Variants in FEV observed in about 807,000 individuals in gnomAD.
FEV encodes FEV transcription factor, ETS family member.
Under a neutral mutation model 20.5 loss-of-function variants are expected in FEV, and 14 were observed. The observed-to-expected ratio is 0.68, with a 90% CI of 0.45 to 1.07. The LOEUF (loss-of-function observed/expected upper bound fraction) is 1.07. FEV is among the 50% of genes least tolerant of loss of function. The probability of loss-of-function intolerance (pLI) is 0.00; values close to 1 mark genes in which losing one functional copy is unlikely to be tolerated. For synonymous variants in FEV, 188 were observed against 163.7 expected (o/e 1.15, Z -1.13); for missense variants, 301 against 345.3 (o/e 0.87, Z 1.02).
Position 218,981,771 on chromosome 2 carries a change from C to A in FEV, c.613G>T (p.Ala205Ser). ...WPGPGPAATA[A>S]AATAALYPSP... ...GGGTAGAGCGCGGCGGTGGCGGCGGCAGCGGTGGCGGCGGGGCCCGGGCCC... is the reference window on the plus strand; with the variant it reads ...GGGTAGAGCGCGGCGGTGGCGGCGGAAGCGGTGGCGGCGGGGCCCGGGCCC... The change falls in exon 3 of 3, where the codon GCC (alanine) becomes TCC (serine). Residue 205 changes from alanine (A) to serine (S), a missense_variant. Physicochemically the swap from Ala to Ser is moderately conservative, Grantham distance 99. Transcript: ENST00000295727. The surrounding 1 kb of genome is among the most constrained non-coding windows in gnomAD (Gnocchi z 4.5). 3.2e-6 allele frequency: 4 copies of A among 1,268,666 alleles called. No individual in the cohort carries two copies. Among genetic ancestry groups the A allele is most frequent in the Non-Finnish European group, 3.9e-6 (4 of 1,014,530 alleles). 78.6% of individuals were successfully genotyped at this position (1,268,666 alleles called of 1,614,324 possible). A position where few individuals can be genotyped will look rare whatever the true frequency, so the allele number is the denominator to read the frequency against.
In FEV at chr2:218,981,698, G is replaced by A; in HGVS notation, c.686C>T (p.Ala229Val). 7.4e-7 allele frequency: 1 copy of A among 1,342,668 alleles called. No homozygotes were observed. The highest frequency in any genetic ancestry group is 9.5e-7 in the Non-Finnish European group (1 of 1,052,996). 83.2% of individuals were successfully genotyped at this position (1,342,668 alleles called of 1,614,324 possible). The change falls in exon 3 of 3, where the codon GCA becomes GTA. Residue 229 changes from alanine to valine, a missense_variant. Transcript: ENST00000295727. The surrounding 1 kb of genome is among the most constrained non-coding windows in gnomAD (Gnocchi z 4.5). Reference sequence around the variant, plus strand: ...GTAATGGCCCCCCAAGTGCGAGGCTGCGGCCACGGCCCCGAAGGGCCCGGG... The same window carrying A: ...GTAATGGCCCCCCAAGTGCGAGGCTACGGCCACGGCCCCGAAGGGCCCGGG... ...PPPGPFGAVA[A>V]ASHLGGHYH is the part of the protein sequence containing the mutation.
chr2:218,984,133 G>A lies in FEV; in HGVS notation c.127+98C>T, dbSNP rs567709991. 26 of 1,251,658 alleles carry A rather than the reference G, an allele frequency of 2.1e-5. No individual in the cohort carries two copies. In the African/African-American group the frequency reaches 3.8e-4, roughly 18 times the overall value. 77.5% of individuals were successfully genotyped at this position (1,251,658 alleles called of 1,614,324 possible). A position where few individuals can be genotyped will look rare whatever the true frequency, so the allele number is the denominator to read the frequency against. On this transcript the variant is annotated intron_variant, in intron 2 of 2. Transcript: ENST00000295727. This position sits in a 1 kb window ranked among gnomAD's most constrained non-coding sequence, Gnocchi z 5.0. ...AACCAGGCCAGGACTCCGGGCTTCAGTGTGAACCCTGGGTCCACACTGCTC... is the reference window on the plus strand; with the variant it reads ...AACCAGGCCAGGACTCCGGGCTTCAATGTGAACCCTGGGTCCACACTGCTC...
Position 218,981,960 on chromosome 2 carries a change from C to A in FEV, c.424G>T (p.Ala142Ser), listed in dbSNP as rs1373593077. ...AQACQPPPAH[A>S]HAAAAAAAAA... ...GCAGCAGCTGCGGCGGCGGCATGAGCGTGCGCGGGCGGCGGCTGGCAGGCC... is the reference window on the plus strand; with the variant it reads ...GCAGCAGCTGCGGCGGCGGCATGAGAGTGCGCGGGCGGCGGCTGGCAGGCC... Residue 142 changes from alanine to serine, a missense_variant, in exon 3 of 3, where the codon GCT becomes TCT. Coordinates refer to ENST00000295727, the MANE Select transcript of FEV (RefSeq NM_017521.3). This position sits in a 1 kb window ranked among gnomAD's most constrained non-coding sequence, Gnocchi z 4.5. 6 of 1,557,076 alleles carry A rather than the reference C, an allele frequency of 3.9e-6. No individual in the cohort carries two copies. The highest frequency in any genetic ancestry group is 5.2e-6 in the Non-Finnish European group (6 of 1,156,908).
In FEV at chr2:218,981,907, C is replaced by T. The variant is rs953619962; in HGVS notation, c.477G>A (p.Ala159=). 2.4e-6 allele frequency: 3 copies of T among 1,257,270 alleles called. No individual in the cohort carries two copies. The highest frequency in any genetic ancestry group is 3.0e-6 in the Non-Finnish European group (3 of 1,005,650). The allele number at this position is 1,257,270 out of a possible 1,614,324, so 77.9% of individuals were successfully genotyped here. ...CGAGGCCGGCGGGCAGCTTGTAGAG[C>T]GCGCCGTCCTGGGCGGCCGCGGCGG... ...AAAAAAAQDG[A]LYKLPAGLAP... The change falls in exon 3 of 3, where the codon GCG becomes GCA. Residue 159 remains alanine (A), a synonymous_variant. Transcript: ENST00000295727. The surrounding 1 kb of genome is among the most constrained non-coding windows in gnomAD (Gnocchi z 4.5).
chr2:218,983,969 G>A (rs759179821), intron 2 of FEV, among the ~76,000 whole-genome samples: 7 of 152,334 alleles, frequency 4.6e-5, no homozygotes, highest in Admixed American at 2.0e-4. Context: ...CTGCCCCAAA[G>A]CCTGGAAAAC....
intron 2 of FEV, among the ~76,000 whole-genome samples, chr2:218,983,873 G>C (rs572068938): frequency 6.6e-6 from 1 of 152,330 alleles, no homozygotes; most frequent in South Asian, 2.1e-4. Flanking sequence ...TGTTTGGGGA[G>C]TAATTCCCCC....
Position 218,981,959 on chromosome 2 carries a change from G to A in FEV, c.425C>T (p.Ala142Val). The change falls in exon 3 of 3, where the codon GCT becomes GTT. Residue 142 changes from alanine (A) to valine (V), a missense_variant. By Grantham distance (64) the Ala-to-Val change is moderately conservative. Transcript: ENST00000295727. This position sits in a 1 kb window ranked among gnomAD's most constrained non-coding sequence, Gnocchi z 4.5. ...AQACQPPPAH[A>V]HAAAAAAAAA... ...GGCAGCAGCTGCGGCGGCGGCATGAGCGTGCGCGGGCGGCGGCTGGCAGGC... is the reference window on the plus strand; with the variant it reads ...GGCAGCAGCTGCGGCGGCGGCATGAACGTGCGCGGGCGGCGGCTGGCAGGC... 6.4e-7 allele frequency: 1 copy of A among 1,557,556 alleles called. No homozygotes were observed. Among genetic ancestry groups the A allele is most frequent in the Non-Finnish European group, 8.6e-7 (1 of 1,157,178 alleles).
At position 218,981,173 on chromosome 2, in the gene FEV, C is replaced by T; in HGVS notation, c.*494G>A. ...GAGTGTGGGGACAGGAGGAAGGGGG[C>T]CGTGTGTCACGGAGGACGGTGGCTT... On this transcript the variant is annotated 3_prime_UTR_variant, in exon 3 of 3. Coordinates refer to ENST00000295727, the MANE Select transcript of FEV (RefSeq NM_017521.3). The surrounding 1 kb of genome is among the most constrained non-coding windows in gnomAD (Gnocchi z 4.5). 1 of 226,108 alleles carries T rather than the reference C, an allele frequency of 4.4e-6. No individual in the cohort carries two copies. The highest frequency in any genetic ancestry group is 8.8e-6 in the Non-Finnish European group (1 of 113,508). 14.0% of individuals were successfully genotyped at this position (226,108 alleles called of 1,614,324 possible). A position where few individuals can be genotyped will look rare whatever the true frequency, so the allele number is the denominator to read the frequency against.
rs781659705 is a variant in FEV at position 218,984,357 on chromosome 2, G to T, written c.53-52C>A. 4 of 1,526,766 alleles carry T rather than the reference G, an allele frequency of 2.6e-6. No individual in the cohort carries two copies. The highest frequency in any genetic ancestry group is 2.7e-6 in the Non-Finnish European group (3 of 1,127,212). The allele number at this position is 1,526,766 out of a possible 1,614,324, so 94.6% of individuals were successfully genotyped here. A position where few individuals can be genotyped will look rare whatever the true frequency, so the allele number is the denominator to read the frequency against. ...GGAGAACCCCGGGCGGAAGTTGTGG[G>T]CTTGACAAAAGGGCCCCGGGCCAAG... On this transcript the variant is annotated intron_variant, in intron 1 of 2. Transcript: ENST00000295727. This position sits in a 1 kb window ranked among gnomAD's most constrained non-coding sequence, Gnocchi z 5.0.
intron 2 of FEV, among the ~76,000 whole-genome samples, chr2:218,983,824 G>A (rs11895124): frequency 6.8e-4 from 104 of 152,332 alleles, no homozygotes; most frequent in African/African-American, 2.4e-3. Context: ...GGTGAAGCAG[G>A]TGGCAGTAGC....
In FEV at chr2:218,985,169, G is replaced by T; in HGVS notation, c.-94C>A. On this transcript the variant is annotated 5_prime_UTR_variant, in exon 1 of 3. Coordinates refer to ENST00000295727, the MANE Select transcript of FEV (RefSeq NM_017521.3). The stretch of plus-strand genomic sequence containing the variant: ...GGTGGCACCGATCCCCGCCCGAAGC[G>T]ACCGCGGGTGACAAGGAGGAGAAGA... The T allele has an allele frequency of 1.1e-6, 1 of 926,354 alleles. No homozygotes were observed. The highest frequency in any genetic ancestry group is 1.6e-6 in the Non-Finnish European group (1 of 639,716). The allele number at this position is 926,354 out of a possible 1,614,324, so 57.4% of individuals were successfully genotyped here. A position where few individuals can be genotyped will look rare whatever the true frequency, so the allele number is the denominator to read the frequency against.
rs1270475741 is a variant in FEV, at chr2:218,984,493, C to T, written c.53-188G>A. 5 of 510,780 alleles carry T rather than the reference C, an allele frequency of 9.8e-6. No individual in the cohort carries two copies. Among genetic ancestry groups the T allele is most frequent in the Non-Finnish European group, 1.8e-5 (5 of 285,422 alleles). The allele number at this position is 510,780 out of a possible 1,614,324, so 31.6% of individuals were successfully genotyped here. On this transcript the variant is annotated intron_variant, in intron 1 of 2. Coordinates refer to ENST00000295727, the MANE Select transcript of FEV (RefSeq NM_017521.3). The surrounding 1 kb of genome is among the most constrained non-coding windows in gnomAD (Gnocchi z 5.0). ...GCTGCGCGGAGCCCCTCCATAGAGCCCAAGTCAGGAAACGCGTCCAGGAAA... is the reference window on the plus strand; with the variant it reads ...GCTGCGCGGAGCCCCTCCATAGAGCTCAAGTCAGGAAACGCGTCCAGGAAA...
chr2:218,982,265 A>AG lies in FEV; in HGVS notation c.128-10dup, dbSNP rs1559099541. 6.4e-7 allele frequency: 1 copy of AG among 1,563,982 alleles called. No homozygotes were observed. Among genetic ancestry groups the AG allele is most frequent in the Admixed American group, 1.8e-5 (1 of 54,774 alleles). On this transcript the variant is annotated splice_polypyrimidine_tract_variant and intron_variant, in intron 2 of 2. Coordinates refer to ENST00000295727, the MANE Select transcript of FEV (RefSeq NM_017521.3). ...CTGGATCTGTCCGCTGCCTGTGGGG[A>AG]GGGGGGCGGTCAGCCACAGGCGGGA...
chr2:218,981,567 G>T lies in FEV; in HGVS notation c.*100C>A. ...CAGGTGGAGTAAACTCTGGATTAGA[G>T]GACGGTTGACGGAGGCTCCCGGGCC... On this transcript the variant is annotated 3_prime_UTR_variant, in exon 3 of 3. Coordinates refer to ENST00000295727, the MANE Select transcript of FEV (RefSeq NM_017521.3). The surrounding 1 kb of genome is among the most constrained non-coding windows in gnomAD (Gnocchi z 4.5). 1 of 949,372 alleles carries T rather than the reference G, an allele frequency of 1.1e-6. No individual in the cohort carries two copies. The allele number at this position is 949,372 out of a possible 1,614,324, so 58.8% of individuals were successfully genotyped here.
At position 218,984,939 on chromosome 2, in the gene FEV, G is replaced by T; in HGVS notation, c.52+85C>A. On this transcript the variant is annotated intron_variant, in intron 1 of 2. Transcript: ENST00000295727. This position sits in a 1 kb window ranked among gnomAD's most constrained non-coding sequence, Gnocchi z 5.0. ...TCTCCGGACACTTCTCCTTCCCCTG[G>T]ACCCCAGCACTCTCTTCCCATGCCT... is the stretch of plus-strand genomic sequence containing the variant. 7.9e-7 allele frequency: 1 copy of T among 1,259,730 alleles called. No homozygotes were observed. Among genetic ancestry groups the T allele is most frequent in the Non-Finnish European group, 1.1e-6 (1 of 882,146 alleles). The allele number at this position is 1,259,730 out of a possible 1,614,324, so 78.0% of individuals were successfully genotyped here. A position where few individuals can be genotyped will look rare whatever the true frequency, so the allele number is the denominator to read the frequency against.
rs143906593 is a variant in FEV, at chr2:218,983,603, G to A, written c.127+628C>T. The stretch of plus-strand genomic sequence containing the variant: ...TAGTTTCCTTCTGGATAAAACAGTC[G>A]CCAACCTCGTTTTTGTGGTTTCTGT... On this transcript the variant is annotated intron_variant, in intron 2 of 2. Transcript: ENST00000295727. 2.3e-3 allele frequency among the ~76,000 whole-genome samples: 353 copies of A among 152,302 alleles called. 1 individual carries two copies. The highest frequency in any genetic ancestry group is 8.1e-3 in the African/African-American group (335 of 41,556).
In FEV at chr2:218,984,274, C is replaced by T. The variant is rs1945417991; in HGVS notation, c.84G>A (p.Gly28=). The change falls in exon 2 of 3, where the codon GGG becomes GGA. Residue 28 remains glycine (G), a synonymous_variant. Transcript: ENST00000295727. This position sits in a 1 kb window ranked among gnomAD's most constrained non-coding sequence, Gnocchi z 5.0. ...DPVGDGLFKD[G]KNPSWGPLSP... is the part of the protein sequence containing the mutation. ...TCAGCGGCCCCCAGCTCGGGTTCTT[C>T]CCGTCCTTGAAGAGACCGTCTCCGA... is the stretch of plus-strand genomic sequence containing the variant. 1 of 1,602,784 alleles carries T rather than the reference C, an allele frequency of 6.2e-7. No individual in the cohort carries two copies. Among genetic ancestry groups the T allele is most frequent in the Non-Finnish European group, 8.5e-7 (1 of 1,175,100 alleles).
Position 218,984,327 on chromosome 2 carries a change from A to G in FEV, c.53-22T>C, listed in dbSNP as rs1295984991. The G allele has an allele frequency of 6.4e-7, 1 of 1,570,036 alleles. No homozygotes were observed. Among genetic ancestry groups the G allele is most frequent in the African/African-American group, 1.4e-5 (1 of 73,870 alleles). ...GGATCTGCAAGCAGCAGAAGAAAAG[A>G]ATCAGGAGAACCCCGGGCGGAAGTT... On this transcript the variant is annotated intron_variant, in intron 1 of 2. Transcript: ENST00000295727. The surrounding 1 kb of genome is among the most constrained non-coding windows in gnomAD (Gnocchi z 5.0).
chr2:218,983,883 C>G (rs995123822), intron 2 of FEV, among the ~76,000 whole-genome samples: 1 of 152,160 alleles, frequency 6.6e-6, no homozygotes, highest in African/African-American at 2.4e-5. Context: ...GTAATTCCCC[C>G]GGTTCCATTG....
Sources: gnomAD v4.1 joint callset for allele counts (sites outside exome capture counted in the v4.1 genomes callset) on GRCh38, gnomAD v4.1.1 for gene constraint, Gnocchi (gnomAD v3.1) non-coding constraint, MANE v1.5 for transcripts, NCBI Gene and HGNC (gene_info 2026-07-23, HGNC 2026-07-21) for gene names.